BAIAP2L1: variants seen among roughly 807,000 people sequenced by gnomAD.
The protein encoded by BAIAP2L1 is BAR/IMD domain-containing adapter protein 2-like 1.
Under a neutral mutation model 66.3 loss-of-function variants are expected in BAIAP2L1, and 35 were observed. The observed-to-expected ratio is 0.53, with a 90% confidence interval of 0.40 to 0.70. BAIAP2L1 has a LOEUF of 0.70. Ranked by LOEUF, BAIAP2L1 falls within the 30% of genes least tolerant of loss-of-function variation. The pLI is 0.00. For synonymous variants in BAIAP2L1, 269 were observed against 248.7 expected (o/e 1.08, Z -0.77); for missense variants, 622 against 656.9 (o/e 0.95, Z 0.58).
intron 3 of BAIAP2L1, among the ~76,000 whole-genome samples, chr7:98,325,072 T>C (rs1162932455): frequency 6.6e-6 from 1 of 152,174 alleles, no homozygotes; most frequent in African/African-American, 2.4e-5. Flanking sequence ...CTGCAGAGAT[T>C]AAAGTAAAAT....
Position 98,315,486 on chromosome 7 carries a change from T to G in BAIAP2L1, c.613A>C (p.Asn205His). ...TGTAAGTGATAATAATGTATGTGGT[T>G]TGCAAAGCCACAGTGCTTATCAACC... ...FLVDKHCGFA[N>H]HIHYYHLQSA... The change falls in exon 7 of 14, where the codon AAC becomes CAC. Residue 205 changes from asparagine to histidine, a missense_variant. By Grantham distance (68) the Asn-to-His change is moderately conservative. Coordinates refer to ENST00000005260, the MANE Select transcript of BAIAP2L1 (RefSeq NM_018842.5). 6.7e-7 allele frequency: 1 copy of G among 1,502,628 alleles called. No homozygotes were observed. The highest frequency in any genetic ancestry group is 8.9e-7 in the Non-Finnish European group (1 of 1,120,822). The allele number at this position is 1,502,628 out of a possible 1,614,324, so 93.1% of individuals were successfully genotyped here. A position where few individuals can be genotyped will look rare whatever the true frequency, so the allele number is the denominator to read the frequency against.
intron 3 of BAIAP2L1, chr7:98,323,488 T>G (rs1436557233): frequency 4.6e-5 from 7 of 152,272 alleles, no homozygotes; most frequent in African/African-American, 7.2e-5. Flanking sequence ...ATTTTTTCCC[T>G]CATACTGTTC....
At chr7:98,357,552 T>TA (rs1381730147) in intron 2 of BAIAP2L1, among the ~76,000 whole-genome samples, 2 of 122,912 alleles carry the variant, frequency 1.6e-5, no homozygotes, top group Non-Finnish European at 3.2e-5. Flanking sequence ...GGCGACAAAG[T>TA]GAGACTCAGT....
At chr7:98,329,662 G>A (rs1291716567) in intron 3 of BAIAP2L1, among the ~76,000 whole-genome samples, 2 of 151,594 alleles carry the variant, frequency 1.3e-5, no homozygotes, top group Non-Finnish European at 2.9e-5. Context: ...GGGAAAGGGC[G>A]ACTTGCTAAC....
At chr7:98,341,202 AT>A (rs972137490) in intron 3 of BAIAP2L1, among the ~76,000 whole-genome samples, 16 of 152,310 alleles carry the variant, frequency 1.1e-4, no homozygotes, top group African/African-American at 3.6e-4. Context: ...TAATGATCGC[AT>A]TATAAATGCT....
chr7:98,367,084 G>A (rs1415615909), intron 1 of BAIAP2L1, among the ~76,000 whole-genome samples: 2 of 150,182 alleles, frequency 1.3e-5, no homozygotes, highest in Admixed American at 6.7e-5. Flanking sequence ...TAAGAGACAG[G>A]GTCTTGCTAT....
At chr7:98,387,730 G>A (rs1319038920) in intron 1 of BAIAP2L1, among the ~76,000 whole-genome samples, 2 of 151,986 alleles carry the variant, frequency 1.3e-5, no homozygotes, top group Non-Finnish European at 2.9e-5. Flanking sequence ...AGCTGGGCGT[G>A]GTGGTGCACG....
intron 3 of BAIAP2L1, among the ~76,000 whole-genome samples, chr7:98,337,243 T>C (rs2115613811): frequency 6.6e-6 from 1 of 152,018 alleles, no homozygotes; most frequent in East Asian, 1.9e-4. Context: ...CCATTTTTTT[T>C]TTTTTTTTGA....
chr7:98,315,809 T>C (rs1409570827), intron 6 of BAIAP2L1, among the ~76,000 whole-genome samples, 197 bp from the exon 7 acceptor site: 1 of 152,148 alleles, frequency 6.6e-6, no homozygotes, highest in Non-Finnish European at 1.5e-5. Flanking sequence ...CTGACTCGTG[T>C]GCAGAGAGAA....
At chr7:98,339,193 G>A (rs1200215304) in intron 3 of BAIAP2L1, among the ~76,000 whole-genome samples, 6 of 152,100 alleles carry the variant, frequency 3.9e-5, no homozygotes, top group Admixed American at 1.3e-4. Context: ...GGAACTGGCA[G>A]ACAGCTCCAA....
chr7:98,398,739 G>A (rs564378455), intron 1 of BAIAP2L1, among the ~76,000 whole-genome samples: 117 of 152,194 alleles, frequency 7.7e-4, no homozygotes, highest in African/African-American at 2.8e-3. Context: ...AATTCGCCTT[G>A]GTACGGTCCC....
At chr7:98,360,977 C>T (rs1802255705) in intron 2 of BAIAP2L1, among the ~76,000 whole-genome samples, 1 of 152,216 alleles carries the variant, frequency 6.6e-6, no homozygotes, top group Non-Finnish European at 1.5e-5. Context: ...CCAGCTCACA[C>T]CCTTTCCTGG....
intron 1 of BAIAP2L1, among the ~76,000 whole-genome samples, chr7:98,398,107 A>T (rs1486115035): frequency 6.6e-6 from 1 of 152,182 alleles, no homozygotes; most frequent in Non-Finnish European, 1.5e-5. Flanking sequence ...AACCCATACT[A>T]GCAAGTCATT....
intron 3 of BAIAP2L1, among the ~76,000 whole-genome samples, chr7:98,325,164 C>A (rs1801349529): frequency 6.6e-6 from 1 of 152,186 alleles, no homozygotes; most frequent in East Asian, 1.9e-4. Flanking sequence ...GCAGGCAGAT[C>A]ACAAGGTCAG....
At chr7:98,397,318 C>CTTTTTTTT (rs36101597) in intron 1 of BAIAP2L1, among the ~76,000 whole-genome samples, 17 of 74,518 alleles carry the variant, frequency 2.3e-4, no homozygotes, top group Admixed American at 5.6e-4. Context: ...TTCTTAAGCC[C>CTTTTTTTT]TTTTTTTTTT....
In BAIAP2L1 at chr7:98,353,384, GTATATTATAAATATACATAATATA is replaced by G. The variant is rs1255500844; in HGVS notation, c.214+1634_214+1657del. Among the ~76,000 whole-genome samples, 9 of 129,352 alleles carry G rather than the reference GTATATTATAAATATACATAATATA, an allele frequency of 7.0e-5. No individual in the cohort carries two copies. The East Asian group carries it at 1.9e-3, about 27-fold the overall frequency. The allele number at this position is 129,352 out of a possible 152,430, so 84.9% of individuals were successfully genotyped here. A position where few individuals can be genotyped will look rare whatever the true frequency, so the allele number is the denominator to read the frequency against. ...ATATATACACATATATTTATATTAT[GTATATTATAAATATACATAATATA>G]TATATTATAAATATATTTATATTAT... On this transcript the variant is annotated intron_variant, in intron 3 of 13. Coordinates refer to ENST00000005260, the MANE Select transcript of BAIAP2L1 (RefSeq NM_018842.5).
In BAIAP2L1 at chr7:98,378,675, G is replaced by A. The variant is rs939985017; in HGVS notation, c.52-16243C>T. Among the ~76,000 whole-genome samples, 11 of 151,984 alleles carry A rather than the reference G, an allele frequency of 7.2e-5. No individual in the cohort carries two copies. The South Asian group carries it at 1.0e-3, about 14-fold the overall frequency. On this transcript the variant is annotated intron_variant, in intron 1 of 13. Coordinates refer to ENST00000005260, the MANE Select transcript of BAIAP2L1 (RefSeq NM_018842.5). ...TTTTTAGACTAAGTCTTGCTCTGTC[G>A]CGCAGCCTGGAGTACAGTGGCATGA...
At position 98,320,237 on chromosome 7, in the gene BAIAP2L1, A is replaced by G; in HGVS notation, c.276T>C (p.Asn92=). The G allele has an allele frequency of 6.2e-7, 1 of 1,607,984 alleles. No homozygotes were observed. The highest frequency in any genetic ancestry group is 8.5e-7 in the Non-Finnish European group (1 of 1,175,602). Reference sequence around the variant, plus strand: ...GTAAATAGAAACACAGATCACGTACATTTTCATCAAGACTCTCGTTGAGTT... The same window carrying G: ...GTAAATAGAAACACAGATCACGTACGTTTTCATCAAGACTCTCGTTGAGTT... ...HKKLNESLDE[N]FKKFHKEIIH... The change falls in exon 4 of 14, where the codon AAT becomes AAC. Residue 92 remains asparagine (N), a splice_region_variant and synonymous_variant. Transcript: ENST00000005260.
At chr7:98,299,537 G>T (rs116768070) in intron 12 of BAIAP2L1, among the ~76,000 whole-genome samples, 2,695 of 151,584 alleles carry the variant, frequency 0.018, 84 homozygotes, top group African/African-American at 0.061. Flanking sequence ...TTTATATATA[G>T]AGAGAGATGG....
Sources: gnomAD v4.1 joint callset for allele counts (sites outside exome capture counted in the v4.1 genomes callset) on GRCh38, gnomAD v4.1.1 for gene constraint, MANE v1.5 for transcripts, NCBI Gene and HGNC (gene_info 2026-07-23, HGNC 2026-07-21) for gene names.